NSUN6: variants seen among roughly 807,000 people sequenced by gnomAD.
NSUN6 encodes the protein tRNA (cytosine(72)-C(5))-methyltransferase NSUN6.
A neutral mutation model predicts 58.0 loss-of-function variants in NSUN6; 64 were observed. That is an observed-to-expected ratio of 1.10 (90% CI 0.90 to 1.36). The LOEUF (loss-of-function observed/expected upper bound fraction) is 1.36. Among genes scored for constraint, NSUN6 ranks in the 40% most tolerant of loss-of-function variants. The pLI is 0.00. For synonymous variants in NSUN6, 231 were observed against 193.9 expected, an observed-to-expected ratio of 1.19 and a Z score of -1.59; for missense variants, 701 against 550.1, an observed-to-expected ratio of 1.27 and a Z score of -2.74.
chr10:18,551,372 G>A (rs986686829), intron 9 of NSUN6, among the ~76,000 whole-genome samples: 11 of 151,052 alleles, frequency 7.3e-5, no homozygotes, highest in Non-Finnish European at 1.3e-4. Context: ...ACATTGCTGG[G>A]CAATGATCAC....
At chr10:18,551,064 A>C (rs534853031) in intron 9 of NSUN6, among the ~76,000 whole-genome samples, 2 of 152,164 alleles carry the variant, frequency 1.3e-5, no homozygotes, top group African/African-American at 4.8e-5. Context: ...AATTTATTTT[A>C]TATCTAATTC....
chr10:18,635,173 T>C (rs2059171357), intron 3 of NSUN6, among the ~76,000 whole-genome samples: 1 of 152,200 alleles, frequency 6.6e-6, no homozygotes, highest in South Asian at 2.1e-4. Flanking sequence ...ACAACTATTT[T>C]ACATGTCACA....
intron 8 of NSUN6, among the ~76,000 whole-genome samples, chr10:18,565,883 TTCCATTCTCCATTCCATTCCGTTC>T (rs1428834566): frequency 6.6e-6 from 1 of 151,086 alleles, no homozygotes; most frequent in Non-Finnish European, 1.5e-5. Flanking sequence ...CTGCATTCCA[TTCCATTCTCCATTCCATTCCGTTC>T]TCCATTCTGC....
intron 8 of NSUN6, among the ~76,000 whole-genome samples, chr10:18,557,588 A>T (rs1402981913): frequency 1.1e-4 from 16 of 150,682 alleles, no homozygotes; most frequent in Non-Finnish European, 1.6e-4. Context: ...AATGGAATGG[A>T]GAATGGAATG....
chr10:18,596,173 C>T (rs1198335731), intron 7 of NSUN6, 35 bp downstream of exon 7: 2 of 1,572,074 alleles, frequency 1.3e-6, no homozygotes, highest in East Asian at 4.5e-5. Flanking sequence ...ATATACACTA[C>T]TTTGAGAGTG....
At chr10:18,621,132 C>T (rs2058591444) in intron 3 of NSUN6, among the ~76,000 whole-genome samples, 2 of 152,144 alleles carry the variant, frequency 1.3e-5, no homozygotes, top group African/African-American at 2.4e-5. Flanking sequence ...TAGTAAATAC[C>T]AGCTTTCCTT....
intron 2 of NSUN6, among the ~76,000 whole-genome samples, chr10:18,644,608 G>A (rs1200260592): frequency 1.1e-4 from 16 of 150,894 alleles, no homozygotes; most frequent in Admixed American, 7.9e-4. Context: ...AGGCCGAGGC[G>A]GGTGGATCAC....
At chr10:18,587,394 G>C (rs1297020882) in intron 7 of NSUN6, among the ~76,000 whole-genome samples, 4 of 152,126 alleles carry the variant, frequency 2.6e-5, no homozygotes, top group Non-Finnish European at 5.9e-5. Context: ...GTATAGCATA[G>C]CAAAATATTT....
At chr10:18,607,030 T>C (rs769836485) in intron 6 of NSUN6, among the ~76,000 whole-genome samples, 56 of 152,336 alleles carry the variant, frequency 3.7e-4, no homozygotes, top group Admixed American at 1.4e-3. Context: ...TAGAGAAGCA[T>C]GGATACTGAC....
intron 3 of NSUN6, among the ~76,000 whole-genome samples, chr10:18,638,618 A>G (rs1032649838): frequency 7.2e-5 from 11 of 152,168 alleles, no homozygotes; most frequent in Admixed American, 1.3e-4. Context: ...TCTTCACAAT[A>G]ACATTTGATG....
chr10:18,577,051 A>G (rs897197736), intron 8 of NSUN6, among the ~76,000 whole-genome samples: 1 of 152,190 alleles, frequency 6.6e-6, no homozygotes, highest in Non-Finnish European at 1.5e-5. Context: ...GTAGGTGACA[A>G]TAAAAATGTA....
intron 5 of NSUN6, among the ~76,000 whole-genome samples, chr10:18,612,936 G>T (rs1337104705): frequency 6.6e-6 from 1 of 152,138 alleles, no homozygotes; most frequent in Non-Finnish European, 1.5e-5. Context: ...TTCACTAACT[G>T]AATAGCAATT....
intron 8 of NSUN6, 40 bp downstream of exon 8, chr10:18,585,909 T>C (rs376727390): frequency 2.7e-6 from 4 of 1,471,358 alleles, no homozygotes; most frequent in African/African-American, 2.8e-5. Flanking sequence ...CACAAATATA[T>C]GATCTGTCAA....
In NSUN6 at chr10:18,545,742, G is replaced by T; in HGVS notation, c.*191C>A. On this transcript the variant is annotated 3_prime_UTR_variant, in exon 11 of 11. Coordinates refer to ENST00000377304, the MANE Select transcript of NSUN6 (RefSeq NM_182543.5). ...AAAAAAAAAAAATCTTTTAAAAACA[G>T]AAAATATAATCTCATACCACCCCCT... 1 of 513,662 alleles carries T rather than the reference G, an allele frequency of 1.9e-6. No individual in the cohort carries two copies. The highest frequency in any genetic ancestry group is 3.4e-6 in the Non-Finnish European group (1 of 297,942). The allele number at this position is 513,662 out of a possible 1,614,324, so 31.8% of individuals were successfully genotyped here.
chr10:18,611,552 C>A (rs2058236359), intron 5 of NSUN6, among the ~76,000 whole-genome samples: 1 of 152,124 alleles, frequency 6.6e-6, no homozygotes, highest in Non-Finnish European at 1.5e-5. Context: ...TTTTCAGACA[C>A]AGGGTCTCAC....
At chr10:18,598,848 G>C (rs1370565211) in intron 6 of NSUN6, among the ~76,000 whole-genome samples, 7 of 152,256 alleles carry the variant, frequency 4.6e-5, no homozygotes, top group African/African-American at 1.7e-4. Flanking sequence ...CTAAAGATTT[G>C]GTGATTCTTT....
chr10:18,647,312 A>G (rs2059573494), intron 2 of NSUN6, among the ~76,000 whole-genome samples: 1 of 152,198 alleles, frequency 6.6e-6, no homozygotes, highest in African/African-American at 2.4e-5. Context: ...TAACTCAGAC[A>G]CAAATAAGGC....
At position 18,559,200 on chromosome 10, in the gene NSUN6, G is replaced by C. The variant is rs931748835; in HGVS notation, c.923-7229C>G. On this transcript the variant is annotated intron_variant, in intron 8 of 10. Coordinates refer to ENST00000377304, the MANE Select transcript of NSUN6 (RefSeq NM_182543.5). ...ATAGAATGGAATGGAAGATGGAATG[G>C]AATAGAGAATGGAATGGTGAATGCA... is the stretch of plus-strand genomic sequence containing the variant. 3.3e-5 allele frequency among the ~76,000 whole-genome samples: 5 copies of C among 151,558 alleles called. No homozygotes were observed. In the South Asian group the frequency reaches 1.0e-3, roughly 32 times the overall value.
At chr10:18,623,622 G>A (rs2058686147) in intron 3 of NSUN6, among the ~76,000 whole-genome samples, 1 of 152,196 alleles carries the variant, frequency 6.6e-6, no homozygotes. Context: ...TGTGAAAGAA[G>A]AAATGGATTG....
Sources: allele counts gnomAD v4.1 joint callset (sites outside exome capture counted in the v4.1 genomes callset), GRCh38; gene constraint gnomAD v4.1.1; transcripts MANE v1.5; gene names NCBI Gene and HGNC (gene_info 2026-07-23, HGNC 2026-07-21).